Variants in PRR12 observed in about 807,000 individuals in gnomAD.
PRR12 encodes the protein proline-rich protein 12.
PRR12 carries 12 observed loss-of-function variants against 138.0 expected under a neutral mutation model. The observed-to-expected ratio is 0.09, with a 90% CI of 0.06 to 0.14. PRR12 has a LOEUF of 0.14. Among genes scored for constraint, PRR12 ranks in the 10% least tolerant of loss-of-function variants. PRR12 has a pLI of 1.00. For missense variants in PRR12, 2,692 were observed against 2,861.3 expected, an observed-to-expected ratio of 0.94 and a Z score of 1.35; for synonymous variants, 1,567 against 1,291.7, an observed-to-expected ratio of 1.21 and a Z score of -4.57.
At position 49,625,666 on chromosome 19, in the gene PRR12, CGTG is replaced by C; in HGVS notation, c.*60_*62del. On this transcript the variant is annotated 3_prime_UTR_variant, in exon 14 of 14. Transcript: ENST00000418929. This position sits in a 1 kb window ranked among gnomAD's most constrained non-coding sequence, Gnocchi z 5.5. Reference sequence around the variant, plus strand: ...CATGAACCGAGAATTGGGACAGAACCGTGTCCTCAGGAGCTAACACCTGGGCTC... The same window carrying C: ...CATGAACCGAGAATTGGGACAGAACCTCCTCAGGAGCTAACACCTGGGCTC... The C allele has an allele frequency of 6.5e-7, 1 of 1,534,434 alleles. No individual in the cohort carries two copies. The highest frequency in any genetic ancestry group is 8.8e-7 in the Non-Finnish European group (1 of 1,141,654).
intron 6 of PRR12, among the ~76,000 whole-genome samples, chr19:49,603,037 G>T (rs1480049730): frequency 6.6e-6 from 1 of 152,254 alleles, no homozygotes; most frequent in Admixed American, 6.5e-5. Context: ...TCATTTACAT[G>T]TTGTCTATGG....
At chr19:49,623,520 TA>T (rs1568432980) in intron 11 of PRR12, among the ~76,000 whole-genome samples, 3 of 151,908 alleles carry the variant, frequency 2.0e-5, no homozygotes, top group African/African-American at 7.3e-5. Flanking sequence ...TAGTCCCAGC[TA>T]CTCGCGAGGC....
intron 11 of PRR12, 63 bp downstream of exon 11, chr19:49,621,685 G>A (rs540574036): frequency 2.7e-5 from 36 of 1,339,046 alleles, no homozygotes; most frequent in Non-Finnish European, 3.4e-5. Flanking sequence ...AGACATGTAC[G>A]TGTCGGCCGC....
At position 49,599,994 on chromosome 19, in the gene PRR12, G is replaced by GA. The variant is rs1358498658; in HGVS notation, c.4345+56_4345+57insA. ...AGCTTAAAGGTTATTATGATCACTA[G>GA]GTAACAGTTGTGCAGGTTACGCACT... is the stretch of plus-strand genomic sequence containing the variant. On this transcript the variant is annotated intron_variant, in intron 5 of 13. Coordinates refer to ENST00000418929, the MANE Select transcript of PRR12 (RefSeq NM_020719.3). The surrounding 1 kb of genome is among the most constrained non-coding windows in gnomAD (Gnocchi z 5.0). 10 of 1,473,256 alleles carry GA rather than the reference G, an allele frequency of 6.8e-6. No individual in the cohort carries two copies. The African/African-American group carries it at 9.8e-5, about 15-fold the overall frequency. The allele number at this position is 1,473,256 out of a possible 1,614,324, so 91.3% of individuals were successfully genotyped here. A position where few individuals can be genotyped will look rare whatever the true frequency, so the allele number is the denominator to read the frequency against.
chr19:49,605,996 TA>T (rs1005508003), intron 6 of PRR12, among the ~76,000 whole-genome samples: 27 of 152,274 alleles, frequency 1.8e-4, no homozygotes, highest in Admixed American at 3.9e-4. Context: ...CACTTATTAT[TA>T]TTTTTTTTGT....
intron 6 of PRR12, among the ~76,000 whole-genome samples, chr19:49,606,866 A>G (rs2080841107): frequency 6.6e-6 from 1 of 152,058 alleles, no homozygotes; most frequent in Admixed American, 6.6e-5. Context: ...AGGCTGGTAG[A>G]AACCACTCTT....
rs774024771 is a variant in PRR12, at chr19:49,596,517, A to G, written c.2182A>G (p.Lys728Glu). Reference protein sequence around the residue: ...LELGLGRLKEKKKGPERGGET... With the variant: ...LELGLGRLKEEKKGPERGGET... ...GCTGGGCCTGGGGAGGCTGAAGGAGAAGAAGAAAGGGCCAGAGCGGGGTGG... is the reference window on the plus strand; with the variant it reads ...GCTGGGCCTGGGGAGGCTGAAGGAGGAGAAGAAAGGGCCAGAGCGGGGTGG... The change falls in exon 4 of 14, where the codon AAG becomes GAG. Residue 728 changes from lysine to glutamate, a missense_variant. By Grantham distance (56) the Lys-to-Glu change is moderately conservative. Around this residue, in one of 11 missense-constraint regions of PRR12, gnomAD observed 840 missense variants for 689.8 expected, o/e 1.22. Coordinates refer to ENST00000418929, the MANE Select transcript of PRR12 (RefSeq NM_020719.3). This position sits in a 1 kb window ranked among gnomAD's most constrained non-coding sequence, Gnocchi z 5.6. 1.4e-5 allele frequency: 22 copies of G among 1,609,706 alleles called. No individual in the cohort carries two copies. Among genetic ancestry groups the G allele is most frequent in the Non-Finnish European group, 1.8e-5 (21 of 1,178,754 alleles).
chr19:49,595,558 C>G lies in PRR12; in HGVS notation c.1223C>G (p.Pro408Arg), dbSNP rs558152320. The change falls in exon 4 of 14, where the codon CCA (proline) becomes CGA (arginine). Residue 408 changes from proline to arginine, a missense_variant. Coordinates refer to ENST00000418929, the MANE Select transcript of PRR12 (RefSeq NM_020719.3). ...GCCGGGGGTGCCACCAGGCCCCCCC[C>G]ACCCCGTTCGACCGCCACCCCCAAA... ...AAAGGATRPP[P>R]PRSTATPKCQ... The G allele has an allele frequency of 3.1e-6, 5 of 1,588,410 alleles. No homozygotes were observed. Among genetic ancestry groups the G allele is most frequent in the African/African-American group, 2.7e-5 (2 of 74,396 alleles).
rs375442209 is a variant in PRR12, at chr19:49,594,419, C to T, written c.200-35C>T. ...TCTCTTGACTGTATCCTACCCACCC[C>T]CACCTGGCTGACTATAACCCCTGTC... On this transcript the variant is annotated intron_variant, in intron 2 of 13. Coordinates refer to ENST00000418929, the MANE Select transcript of PRR12 (RefSeq NM_020719.3). This position sits in a 1 kb window ranked among gnomAD's most constrained non-coding sequence, Gnocchi z 5.6. The T allele has an allele frequency of 2.0e-6, 3 of 1,521,496 alleles. No individual in the cohort carries two copies. Among genetic ancestry groups the T allele is most frequent in the South Asian group, 2.6e-5 (2 of 77,118 alleles). 94.2% of individuals were successfully genotyped at this position (1,521,496 alleles called of 1,614,324 possible).
intron 6 of PRR12, among the ~76,000 whole-genome samples, chr19:49,603,110 C>T (rs2080820783): frequency 6.6e-6 from 1 of 152,250 alleles, no homozygotes; most frequent in South Asian, 2.1e-4. Flanking sequence ...AAAAATATCT[C>T]TGGCTCATCA....
At chr19:49,620,595 G>C in intron 10 of PRR12, 118 bp downstream of exon 10, 1 of 1,410,396 alleles carries the variant, frequency 7.1e-7, no homozygotes, top group African/African-American at 1.4e-5. Flanking sequence ...CTGAGTCTGA[G>C]GGAAGAGGAG....
Position 49,620,496 on chromosome 19 carries a change from A to C in PRR12, c.5623+19A>C. On this transcript the variant is annotated intron_variant, in intron 10 of 13. Transcript: ENST00000418929. Reference sequence around the variant, plus strand: ...ACGCATGGTGAGCTGAGGCCTGGGGAGGAGGGGGGGGGGCTGACTCGGTCT... The same window carrying C: ...ACGCATGGTGAGCTGAGGCCTGGGGCGGAGGGGGGGGGGCTGACTCGGTCT... The C allele has an allele frequency of 2.0e-6, 3 of 1,469,550 alleles. No homozygotes were observed. The highest frequency in any genetic ancestry group is 2.6e-5 in the East Asian group (1 of 38,690). The allele number at this position is 1,469,550 out of a possible 1,614,324, so 91.0% of individuals were successfully genotyped here.
chr19:49,598,516 A>C (rs2080791015), intron 4 of PRR12, among the ~76,000 whole-genome samples: 1 of 152,184 alleles, frequency 6.6e-6, no homozygotes. Flanking sequence ...AGAAAGACCT[A>C]AGAATTGAAA....
At position 49,596,352 on chromosome 19, in the gene PRR12, G is replaced by C; in HGVS notation, c.2017G>C (p.Gly673Arg). 1 of 1,609,658 alleles carries C rather than the reference G, an allele frequency of 6.2e-7. No homozygotes were observed. Among genetic ancestry groups the C allele is most frequent in the South Asian group, 1.1e-5 (1 of 90,966 alleles). ...GEDGAADASK[G>R]LGGSGGAGGP... ...GGACGGGGCAGCAGATGCCTCTAAG[G>C]GACTTGGGGGGAGTGGCGGGGCCGG... The change falls in exon 4 of 14, where the codon GGA becomes CGA. Residue 673 changes from glycine (G) to arginine (R), a missense_variant. By Grantham distance (125) the Gly-to-Arg change is moderately radical (BLOSUM62 -2). Coordinates refer to ENST00000418929, the MANE Select transcript of PRR12 (RefSeq NM_020719.3). The surrounding 1 kb of genome is among the most constrained non-coding windows in gnomAD (Gnocchi z 5.6).
intron 9 of PRR12, among the ~76,000 whole-genome samples, chr19:49,619,941 C>T (rs1048417304): frequency 6.7e-6 from 1 of 149,300 alleles, no homozygotes; most frequent in South Asian, 2.1e-4. Context: ...CTGCAACCTC[C>T]GCCTCCTGGG....
chr19:49,618,842 A>T (rs550857586), intron 9 of PRR12, among the ~76,000 whole-genome samples: 1 of 150,960 alleles, frequency 6.6e-6, no homozygotes, highest in Non-Finnish European at 1.5e-5. Flanking sequence ...TACCTGGTCC[A>T]TCAGCCTGGA....
In PRR12 at chr19:49,597,532, C is replaced by T. The variant is rs1166178338; in HGVS notation, c.3197C>T (p.Ser1066Phe). The T allele has an allele frequency of 6.4e-7, 1 of 1,568,534 alleles. No individual in the cohort carries two copies. The highest frequency in any genetic ancestry group is 2.4e-5 in the East Asian group (1 of 41,696). ...KGGLTSPIFC[S>F]TKPKKLLKTS... ...GGCCTCACCTCGCCCATCTTCTGCT[C>T]TACCAAGCCAAAGAAGCTGCTCAAG... The change falls in exon 4 of 14, where the codon TCT becomes TTT. Residue 1066 changes from serine (S) to phenylalanine (F), a missense_variant. Around this residue, in one of 11 missense-constraint regions of PRR12, gnomAD observed 840 missense variants for 689.8 expected, o/e 1.22. Coordinates refer to ENST00000418929, the MANE Select transcript of PRR12 (RefSeq NM_020719.3). This position sits in a 1 kb window ranked among gnomAD's most constrained non-coding sequence, Gnocchi z 6.3.
intron 11 of PRR12, among the ~76,000 whole-genome samples, chr19:49,622,313 G>T (rs1055101049): frequency 6.6e-6 from 1 of 152,162 alleles, no homozygotes; most frequent in Non-Finnish European, 1.5e-5. Flanking sequence ...GGGCACAGTG[G>T]CTCACGCCTG....
In PRR12 at chr19:49,614,217, G is replaced by A. The variant is rs2080880279; in HGVS notation, c.4774-316G>A. Among the ~76,000 whole-genome samples, 1 of 152,222 alleles carries A rather than the reference G, an allele frequency of 6.6e-6. No homozygotes were observed. Among genetic ancestry groups the A allele is most frequent in the African/African-American group, 2.4e-5 (1 of 41,448 alleles). ...TGTCCAGCACAGTAAATAGCAGGCG[G>A]TGTTCAAAGATTGTCATTACTCTGA... On this transcript the variant is annotated intron_variant, in intron 6 of 13. Transcript: ENST00000418929. This position sits in a 1 kb window ranked among gnomAD's most constrained non-coding sequence, Gnocchi z 5.0.
Sources: gnomAD v4.1 joint callset for allele counts (sites outside exome capture counted in the v4.1 genomes callset) on GRCh38, gnomAD v4.1.1 for gene constraint, gnomAD v4.1.1 regional missense constraint, Gnocchi (gnomAD v3.1) non-coding constraint, MANE v1.5 for transcripts, NCBI Gene and HGNC (gene_info 2026-07-23, HGNC 2026-07-21) for gene names.